Variants in SLC41A2 observed in about 807,000 individuals in gnomAD.
The protein encoded by SLC41A2 is solute carrier family 41 member 2.
In SLC41A2, 32 loss-of-function variants were observed where a neutral mutation model predicts 58.3. That is an observed-to-expected ratio of 0.55 (90% CI 0.41 to 0.74). The LOEUF is 0.74. SLC41A2 is among the 30% of genes least tolerant of loss of function. SLC41A2 has a pLI of 0.00. For missense variants in SLC41A2, 514 were observed against 680.6 expected (o/e 0.76, Z 2.72); for synonymous variants, 190 against 235.0 (o/e 0.81, Z 1.75).
intron 2 of SLC41A2, among the ~76,000 whole-genome samples, chr12:104,917,427 G>A (rs2046376344): frequency 6.6e-6 from 1 of 152,078 alleles, no homozygotes; most frequent in Admixed American, 6.5e-5. Context: ...CGATTCCTCG[G>A]GGATCTAGAA....
At chr12:104,810,025 G>A (rs927425163) in intron 10 of SLC41A2, among the ~76,000 whole-genome samples, 1 of 152,138 alleles carries the variant, frequency 6.6e-6, no homozygotes, top group Non-Finnish European at 1.5e-5. Context: ...TTGAGACAGT[G>A]TCATATAGGA....
Position 104,903,228 on chromosome 12 carries a change from CT to C in SLC41A2, c.663+6426del, listed in dbSNP as rs146680830. Among the ~76,000 whole-genome samples the C allele has an allele frequency of 8.6e-3, 1,306 of 152,310 alleles. 37 individuals carry two copies. The East Asian group carries it at 0.12, about 14-fold the overall frequency. The stretch of plus-strand genomic sequence containing the variant: ...ACTCCCTGCTTCAATCCTTAGCCCC[CT>C]ATACCCATATCTCAATGCAGTAGTC... On this transcript the variant is annotated intron_variant, in intron 3 of 10. Transcript: ENST00000258538.
At chr12:104,957,214 G>C (rs529192901) in intron 1 of SLC41A2, among the ~76,000 whole-genome samples, 3 of 152,320 alleles carry the variant, frequency 2.0e-5, no homozygotes, top group African/African-American at 7.2e-5. Flanking sequence ...GTAAAGTACT[G>C]ATACATACTA....
chr12:104,926,947 G>A (rs1434112048), intron 2 of SLC41A2, among the ~76,000 whole-genome samples: 2 of 151,926 alleles, frequency 1.3e-5, no homozygotes, highest in African/African-American at 4.8e-5. Flanking sequence ...TAATTAGTGA[G>A]GTGTAGTGCG....
intron 1 of SLC41A2, among the ~76,000 whole-genome samples, chr12:104,935,007 C>G (rs754853885): frequency 6.6e-6 from 1 of 152,070 alleles, no homozygotes; most frequent in South Asian, 2.1e-4. Flanking sequence ...GCCCAAGCTG[C>G]AGTGCAATGG....
chr12:104,848,036 A>T (rs1479317848), intron 8 of SLC41A2, among the ~76,000 whole-genome samples: 2 of 152,242 alleles, frequency 1.3e-5, no homozygotes, highest in African/African-American at 4.8e-5. Flanking sequence ...ACAACAGCAG[A>T]ATACATTTCA....
At chr12:104,859,229 A>G (rs2043121346) in intron 8 of SLC41A2, among the ~76,000 whole-genome samples, 2 of 152,220 alleles carry the variant, frequency 1.3e-5, no homozygotes, top group Non-Finnish European at 2.9e-5. Flanking sequence ...AAAGCTAGGC[A>G]GAAGAATTCA....
intron 2 of SLC41A2, among the ~76,000 whole-genome samples, chr12:104,927,732 G>C (rs1041740994): frequency 6.6e-6 from 1 of 151,866 alleles, no homozygotes; most frequent in Non-Finnish European, 1.5e-5. Context: ...CTCTTCCAAG[G>C]TCTGTAGAGA....
At chr12:104,943,389 G>T (rs866419221) in intron 1 of SLC41A2, among the ~76,000 whole-genome samples, 24 of 151,888 alleles carry the variant, frequency 1.6e-4, no homozygotes, top group African/African-American at 5.6e-4. Flanking sequence ...CCCTTCTTAG[G>T]ACCTCTAGCA....
chr12:104,877,434 TAA>T, intron 6 of SLC41A2, among the ~76,000 whole-genome samples: 1 of 151,756 alleles, frequency 6.6e-6, no homozygotes, highest in African/African-American at 2.4e-5. Context: ...AGAAAAAATG[TAA>T]AAGACTATTT....
At chr12:104,853,913 T>TATTATTATTA (rs1555202444) in intron 8 of SLC41A2, among the ~76,000 whole-genome samples, 531 of 38,394 alleles carry the variant, frequency 0.014, 20 homozygotes, top group African/African-American at 0.024. Flanking sequence ...CCTGGCTGAT[T>TATTATTATTA]TTTTTTTTTT....
intron 10 of SLC41A2, among the ~76,000 whole-genome samples, chr12:104,813,913 G>A (rs765847591): frequency 6.6e-6 from 1 of 152,114 alleles, no homozygotes. Context: ...TGGGATTACA[G>A]GCTTGAGCCT....
At chr12:104,910,377 T>C (rs1243164361) in intron 2 of SLC41A2, among the ~76,000 whole-genome samples, 2 of 152,176 alleles carry the variant, frequency 1.3e-5, no homozygotes, top group African/African-American at 2.4e-5. Context: ...TAGCCATGGA[T>C]CTGTCATAAC....
At chr12:104,825,322 G>T (rs544188326) in intron 10 of SLC41A2, among the ~76,000 whole-genome samples, 1 of 152,184 alleles carries the variant, frequency 6.6e-6, no homozygotes, top group Non-Finnish European at 1.5e-5. Flanking sequence ...CACAAGGGGG[G>T]CAGGAGAAAA....
chr12:104,850,331 G>T (rs575438435), intron 8 of SLC41A2, among the ~76,000 whole-genome samples: 1 of 152,064 alleles, frequency 6.6e-6, no homozygotes, highest in African/African-American at 2.4e-5. Flanking sequence ...TTCTTATTAA[G>T]AAAAAACCCA....
At chr12:104,808,906 T>A (rs1267717084) in intron 10 of SLC41A2, among the ~76,000 whole-genome samples, 2 of 152,200 alleles carry the variant, frequency 1.3e-5, no homozygotes, top group Non-Finnish European at 1.5e-5. Flanking sequence ...GTGGGATTTT[T>A]AAATTTTCAA....
intron 8 of SLC41A2, among the ~76,000 whole-genome samples, chr12:104,847,696 T>A (rs181200225): frequency 6.6e-6 from 1 of 152,016 alleles, no homozygotes; most frequent in African/African-American, 2.4e-5. Flanking sequence ...TCTGTTTTTA[T>A]ACACAGAAAA....
chr12:104,801,988 G>A lies in SLC41A2; in HGVS notation c.*3164C>T, dbSNP rs975554286. On this transcript the variant is annotated 3_prime_UTR_variant, in exon 11 of 11. Transcript: ENST00000258538. The stretch of plus-strand genomic sequence containing the variant: ...TTGAGTTTAAAACAATTCGAAGATG[G>A]CAGAACCCCGTTATAAATGGGTACA... Among the ~76,000 whole-genome samples the A allele has an allele frequency of 5.9e-5, 9 of 151,964 alleles. No homozygotes were observed. The highest frequency in any genetic ancestry group is 7.4e-5 in the Non-Finnish European group (5 of 68,006).
chr12:104,905,013 GC>G (rs1415274192), intron 3 of SLC41A2, among the ~76,000 whole-genome samples: 1 of 152,008 alleles, frequency 6.6e-6, no homozygotes, highest in Non-Finnish European at 1.5e-5. Flanking sequence ...GATTGGTAGA[GC>G]CGAGTGGCCT....
Sources: gnomAD v4.1 joint callset for allele counts (sites outside exome capture counted in the v4.1 genomes callset) on GRCh38, gnomAD v4.1.1 for gene constraint, MANE v1.5 for transcripts, NCBI Gene and HGNC (gene_info 2026-07-23, HGNC 2026-07-21) for gene names.